SLC24A2: variants seen among roughly 807,000 people sequenced by gnomAD.
SLC24A2 encodes the protein sodium/potassium/calcium exchanger 2.
Under a neutral mutation model 62.0 loss-of-function variants are expected in SLC24A2, and 36 were observed. The ratio of observed to expected loss-of-function variants is 0.58; its 90% CI spans 0.44 to 0.77. The LOEUF is 0.77. SLC24A2 is among the 30% of genes least tolerant of loss of function. The pLI, the probability that SLC24A2 is intolerant of heterozygous loss-of-function variation, is 0.00. For missense variants in SLC24A2, 846 were observed against 817.9 expected (o/e 1.03, Z -0.42); for synonymous variants, 358 against 294.0 (o/e 1.22, Z -2.23).
chr9:20,125,358 G>A, the SLC24A2 span, among the ~76,000 whole-genome samples: 1 of 152,136 alleles, frequency 6.6e-6, no homozygotes, highest in African/African-American at 2.4e-5. Flanking sequence ...GTAGGAAATT[G>A]CAAAACTAGA....
intron 2 of SLC24A2, among the ~76,000 whole-genome samples, chr9:19,622,975 T>C (rs1299794361): frequency 6.6e-6 from 1 of 152,166 alleles, no homozygotes; most frequent in Non-Finnish European, 1.5e-5. Flanking sequence ...AAGTTTTCTA[T>C]TCTAAAAAGA....
the SLC24A2 span, among the ~76,000 whole-genome samples, chr9:20,211,647 CATT>C: frequency 2.6e-5 from 4 of 152,094 alleles, no homozygotes; most frequent in African/African-American, 7.2e-5. Flanking sequence ...AACTGTCAAA[CATT>C]ATTCTTAAAA....
intron 2 of SLC24A2, among the ~76,000 whole-genome samples, chr9:19,653,885 T>C (rs749115874): frequency 1.4e-4 from 22 of 152,302 alleles, no homozygotes; most frequent in East Asian, 7.7e-4. Context: ...TTGTGAGTGA[T>C]TCTACATCTA....
At chr9:20,125,411 A>C in the SLC24A2 span, among the ~76,000 whole-genome samples, 1 of 152,228 alleles carries the variant, frequency 6.6e-6, no homozygotes, top group Non-Finnish European at 1.5e-5. Flanking sequence ...CATTAATATA[A>C]CATAGGCACT....
chr9:19,549,336 T>C (rs150731134), intron 8 of SLC24A2, among the ~76,000 whole-genome samples: 51 of 152,310 alleles, frequency 3.3e-4, no homozygotes, highest in African/African-American at 1.2e-3. Flanking sequence ...GAGAGTGATA[T>C]GCTATATGAC....
the SLC24A2 span, among the ~76,000 whole-genome samples, chr9:20,040,018 A>G: frequency 2.6e-5 from 4 of 152,200 alleles, no homozygotes; most frequent in Admixed American, 2.6e-4. Flanking sequence ...CTAAACACTA[A>G]CTTTTGATTA....
chr9:20,023,115 A>G, the SLC24A2 span, among the ~76,000 whole-genome samples: 33 of 152,374 alleles, frequency 2.2e-4, no homozygotes, highest in Admixed American at 7.2e-4. Context: ...CCACTCAGTC[A>G]TAAAAAGCCA....
the SLC24A2 span, among the ~76,000 whole-genome samples, chr9:20,195,322 A>G: frequency 0.016 from 2,426 of 152,336 alleles, 77 homozygotes; most frequent in African/African-American, 0.056. Context: ...TAGTCCAATC[A>G]GTGATTTAGG....
chr9:20,054,139 T>C, the SLC24A2 span, among the ~76,000 whole-genome samples: 8 of 152,120 alleles, frequency 5.3e-5, no homozygotes, highest in Admixed American at 1.3e-4. Flanking sequence ...AGTTCTTTAA[T>C]GGTGATTTCT....
chr9:20,162,074 G>T, the SLC24A2 span, among the ~76,000 whole-genome samples: 2 of 151,680 alleles, frequency 1.3e-5, no homozygotes, highest in Non-Finnish European at 3.0e-5. Context: ...AAGATAGCAA[G>T]ATATAAAATT....
the SLC24A2 span, among the ~76,000 whole-genome samples, chr9:20,228,814 G>A: frequency 1.6e-4 from 25 of 152,272 alleles, no homozygotes; most frequent in Admixed American, 9.8e-4. Flanking sequence ...AGAGGCCGGA[G>A]CTCCCAGCTG....
the SLC24A2 span, among the ~76,000 whole-genome samples, chr9:20,137,385 G>T: frequency 6.6e-6 from 1 of 152,196 alleles, no homozygotes. Context: ...GGCAGAGAGA[G>T]CACTGAAGTT....
At chr9:19,739,708 A>G (rs1821616868) in intron 2 of SLC24A2, among the ~76,000 whole-genome samples, 1 of 152,218 alleles carries the variant, frequency 6.6e-6, no homozygotes, top group South Asian at 2.1e-4. Flanking sequence ...AATAATTTTA[A>G]AAAAGCTTCT....
the SLC24A2 span, among the ~76,000 whole-genome samples, chr9:19,897,039 T>G: frequency 7.2e-5 from 11 of 152,186 alleles, no homozygotes. Context: ...GGACCTACAC[T>G]GATAGAACTT....
At chr9:20,208,721 C>G in the SLC24A2 span, among the ~76,000 whole-genome samples, 1 of 152,168 alleles carries the variant, frequency 6.6e-6, no homozygotes, top group African/African-American at 2.4e-5. Flanking sequence ...TAGATAGACC[C>G]CCATCTAGGC....
chr9:19,528,763 G>T (rs1187719585), intron 8 of SLC24A2, among the ~76,000 whole-genome samples: 1 of 152,176 alleles, frequency 6.6e-6, no homozygotes, highest in Non-Finnish European at 1.5e-5. Context: ...CCATGGACCA[G>T]AGTAGACAGA....
intron 10 of SLC24A2, among the ~76,000 whole-genome samples, chr9:19,517,972 GTGAAGT>G (rs1331755848): frequency 1.4e-5 from 2 of 144,270 alleles, no homozygotes; most frequent in Non-Finnish European, 3.0e-5. Context: ...CACACTTCTA[GTGAAGT>G]TGAGTTTAAT....
chr9:19,769,553 G>A (rs1346306456), intron 2 of SLC24A2, among the ~76,000 whole-genome samples: 1 of 152,208 alleles, frequency 6.6e-6, no homozygotes, highest in Admixed American at 6.5e-5. Flanking sequence ...GAGGTAAAGT[G>A]TTGTGTTTTG....
At chr9:20,127,510 A>G in the SLC24A2 span, among the ~76,000 whole-genome samples, 7 of 152,314 alleles carry the variant, frequency 4.6e-5, no homozygotes, top group South Asian at 4.1e-4. Flanking sequence ...ACTGTCTTCA[A>G]TAAGACCTGG....
Sources: gnomAD v4.1 joint callset for allele counts (sites outside exome capture counted in the v4.1 genomes callset) on GRCh38, gnomAD v4.1.1 for gene constraint, MANE v1.5 for transcripts, NCBI Gene and HGNC (gene_info 2026-07-23, HGNC 2026-07-21) for gene names.